ANTXR1: variants seen among roughly 807,000 people sequenced by gnomAD.
ANTXR1 encodes ANTXR cell adhesion molecule 1.
ANTXR1 carries 19 observed loss-of-function variants against 78.1 expected under a neutral mutation model. That is an observed-to-expected ratio of 0.24 (90% confidence interval 0.17 to 0.36). The LOEUF (loss-of-function observed/expected upper bound fraction) is 0.36, where lower values mean the gene tolerates loss of function less well. Ranked by LOEUF, ANTXR1 falls within the 10% of genes least tolerant of loss-of-function variation. ANTXR1 has a pLI of 1.00. For missense variants in ANTXR1, 518 were observed against 718.6 expected, an observed-to-expected ratio of 0.72 and a Z score of 3.19; for synonymous variants, 273 against 260.5, an observed-to-expected ratio of 1.05 and a Z score of -0.46.
chr2:69,091,167 C>T (rs764344831), intron 9 of ANTXR1, among the ~76,000 whole-genome samples: 44 of 151,262 alleles, frequency 2.9e-4, no homozygotes, highest in African/African-American at 8.3e-4. Flanking sequence ...TCACTGGGCG[C>T]GGCGCCTTAT....
rs187253391 is a variant in ANTXR1 at position 69,061,994 on chromosome 2, G to C, written c.297-8653G>C. Among the ~76,000 whole-genome samples the C allele has an allele frequency of 1.6e-4, 24 of 152,280 alleles. No individual in the cohort carries two copies. The Middle Eastern group carries it at 0.017, about 108-fold the overall frequency. ...TTTCCGTGAGGCTAGTAGAGATGCA[G>C]GAAGCACTGATTAACTGAATTAGAG... On this transcript the variant is annotated intron_variant, in intron 3 of 17. Coordinates refer to ENST00000303714, the MANE Select transcript of ANTXR1 (RefSeq NM_032208.3).
chr2:69,044,760 C>T lies in ANTXR1; in HGVS notation c.243C>T (p.Ser81=), dbSNP rs746223553. The change falls in exon 3 of 18, where the codon TCC becomes TCT. Residue 81 remains serine (S), a synonymous_variant. Transcript: ENST00000303714. ...TTTCCAGCCCACAGTTGAGAATGTC[C>T]TTTATTGTTTTCTCCACCCGAGGAA... ...HKFISPQLRM[S]FIVFSTRGTT... The T allele has an allele frequency of 8.7e-5, 140 of 1,613,734 alleles. No individual in the cohort carries two copies. The highest frequency in any genetic ancestry group is 1.1e-4 in the Non-Finnish European group (128 of 1,179,818).
chr2:69,052,797 C>T (rs1669962621), intron 3 of ANTXR1, among the ~76,000 whole-genome samples: 1 of 152,002 alleles, frequency 6.6e-6, no homozygotes, highest in Non-Finnish European at 1.5e-5. Flanking sequence ...ATTTTTTTGA[C>T]ATCTGAGAGA....
At chr2:69,054,332 A>G (rs990050965) in intron 3 of ANTXR1, among the ~76,000 whole-genome samples, 1 of 152,188 alleles carries the variant, frequency 6.6e-6, no homozygotes, top group Non-Finnish European at 1.5e-5. Context: ...TTTTAAATTT[A>G]AAACAAATCT....
At chr2:69,059,938 A>G (rs1638573841) in intron 3 of ANTXR1, among the ~76,000 whole-genome samples, 1 of 152,222 alleles carries the variant, frequency 6.6e-6, no homozygotes, top group South Asian at 2.1e-4. Flanking sequence ...TGGTGAAATT[A>G]CTGCACAAAT....
chr2:69,167,716 C>T (rs7565538), intron 13 of ANTXR1, among the ~76,000 whole-genome samples: 77,742 of 152,026 alleles, frequency 0.51, 21,664 homozygotes, highest in East Asian at 0.77. Context: ...GAAGCCGAAC[C>T]AGTGAGACCA....
chr2:69,088,736 C>A (rs970466549), intron 8 of ANTXR1, among the ~76,000 whole-genome samples: 2 of 152,190 alleles, frequency 1.3e-5, no homozygotes, highest in Non-Finnish European at 2.9e-5. Flanking sequence ...GTGCTATATG[C>A]GCAAGAGACC....
chr2:69,171,727 T>C (rs2104452787), intron 14 of ANTXR1, among the ~76,000 whole-genome samples: 1 of 152,240 alleles, frequency 6.6e-6, no homozygotes, highest in African/African-American at 2.4e-5. Flanking sequence ...TAGCCTAGGG[T>C]TGCACACACA....
chr2:69,064,970 A>G (rs1055409938), intron 3 of ANTXR1, among the ~76,000 whole-genome samples: 3 of 152,250 alleles, frequency 2.0e-5, no homozygotes, highest in Non-Finnish European at 2.9e-5. Context: ...AAAAGTAAAA[A>G]GAACTTATTA....
At chr2:69,078,664 ACTGATGATGACTTACATCATAGG>A (rs1023870229) in intron 8 of ANTXR1, among the ~76,000 whole-genome samples, 1 of 152,218 alleles carries the variant, frequency 6.6e-6, no homozygotes, top group African/African-American at 2.4e-5. Flanking sequence ...GGAAACAGGG[ACTGATGATGACTTACATCATAGG>A]CTTGTTTGAG....
chr2:69,040,228 T>C (rs967231147), intron 2 of ANTXR1, 113 bp downstream of exon 2: 5 of 920,082 alleles, frequency 5.4e-6, no homozygotes, highest in East Asian at 2.8e-5. Context: ...TTTGACTAAG[T>C]TGGGCTCTCA....
At chr2:69,178,605 A>G (rs7560105) in intron 14 of ANTXR1, among the ~76,000 whole-genome samples, 12,354 of 152,034 alleles carry the variant, frequency 0.081, 1,675 homozygotes, top group African/African-American at 0.28. Context: ...CTAGAGGGAG[A>G]ACTGCCCCCG....
chr2:69,201,530 C>T (rs1203980259), intron 17 of ANTXR1, among the ~76,000 whole-genome samples: 1 of 152,200 alleles, frequency 6.6e-6, no homozygotes. Flanking sequence ...GAGGCGCAAT[C>T]GGATGTGCAT....
At chr2:69,032,456 C>T (rs1175400948) in intron 1 of ANTXR1, among the ~76,000 whole-genome samples, 1 of 152,078 alleles carries the variant, frequency 6.6e-6, no homozygotes, top group Non-Finnish European at 1.5e-5. Flanking sequence ...TTGGTGCCCT[C>T]ATTCTGCGTC....
At chr2:69,200,416 G>T (rs1461262454) in intron 17 of ANTXR1, among the ~76,000 whole-genome samples, 1 of 152,244 alleles carries the variant, frequency 6.6e-6, no homozygotes, top group East Asian at 1.9e-4. Context: ...GCAGAGGCGA[G>T]AATAGCCTGG....
At position 69,013,235 on chromosome 2, in the gene ANTXR1, C is replaced by A; in HGVS notation, c.-265C>A. The A allele has an allele frequency of 1.7e-6, 1 of 592,672 alleles. No individual in the cohort carries two copies. Among genetic ancestry groups the A allele is most frequent in the Non-Finnish European group, 3.0e-6 (1 of 335,242 alleles). The allele number at this position is 592,672 out of a possible 1,614,324, so 36.7% of individuals were successfully genotyped here. ...CGGCCTCGGGAGCTGCCCGGCGGCC[C>A]CGGACCGAGGCAGCCCTCCCCTTTA... On this transcript the variant is annotated 5_prime_UTR_variant, in exon 1 of 18. Transcript: ENST00000303714. This position sits in a 1 kb window ranked among gnomAD's most constrained non-coding sequence, Gnocchi z 5.0.
At chr2:69,052,799 T>A (rs1669962782) in intron 3 of ANTXR1, among the ~76,000 whole-genome samples, 1 of 152,166 alleles carries the variant, frequency 6.6e-6, no homozygotes, top group Admixed American at 6.6e-5. Flanking sequence ...TTTTTTGACA[T>A]CTGAGAGAAT....
chr2:69,119,792 CAA>C (rs1672284173), intron 10 of ANTXR1, among the ~76,000 whole-genome samples: 1 of 152,230 alleles, frequency 6.6e-6, no homozygotes, highest in Non-Finnish European at 1.5e-5. Flanking sequence ...GGTGCAGATC[CAA>C]GCTCCCGTGT....
intron 14 of ANTXR1, chr2:69,172,303 C>T: frequency 1.4e-6 from 2 of 1,397,164 alleles, no homozygotes; most frequent in Admixed American, 1.7e-5. Flanking sequence ...TGCTGATTGC[C>T]TTAGCGTGTG....
Sources: gnomAD v4.1 joint callset for allele counts (sites outside exome capture counted in the v4.1 genomes callset) on GRCh38, gnomAD v4.1.1 for gene constraint, Gnocchi (gnomAD v3.1) non-coding constraint, MANE v1.5 for transcripts, NCBI Gene and HGNC (gene_info 2026-07-23, HGNC 2026-07-21) for gene names.